PDSS2: variants seen among roughly 807,000 people sequenced by gnomAD.
PDSS2 encodes the protein decaprenyl diphosphate synthase subunit 2.
In PDSS2, 31 loss-of-function variants were observed where a neutral mutation model predicts 44.5. The observed-to-expected ratio is 0.70, with a 90% CI of 0.52 to 0.94. The LOEUF is 0.94. Ranked by LOEUF, PDSS2 falls within the 40% of genes least tolerant of loss-of-function variation. The pLI is 0.00. For synonymous variants in PDSS2, 157 were observed against 180.3 expected (o/e 0.87, Z 1.03); for missense variants, 452 against 482.2 (o/e 0.94, Z 0.59).
In PDSS2 at chr6:107,156,563, A is replaced by C. The variant is rs148225743; in HGVS notation, c.1042-1786T>G. ...CCCACATCCGGTTAGGCACAGGGGC[A>C]GTCTCAGGGTTGCTCATTCACAGCT... On this transcript the variant is annotated intron_variant, in intron 7 of 7. Transcript: ENST00000369037. 8.5e-4 allele frequency among the ~76,000 whole-genome samples: 130 copies of C among 152,314 alleles called. 2 individuals carry two copies. Among genetic ancestry groups the C allele is most frequent in the African/African-American group, 3.0e-3 (123 of 41,582 alleles).
intron 1 of PDSS2, among the ~76,000 whole-genome samples, chr6:107,347,019 C>T (rs573032345): frequency 1.3e-5 from 2 of 152,202 alleles, no homozygotes; most frequent in African/African-American, 4.8e-5. Context: ...CCCATTCCCA[C>T]GGAGGCTGGG....
chr6:107,272,670 T>C (rs1033886407), intron 3 of PDSS2, among the ~76,000 whole-genome samples: 7 of 152,174 alleles, frequency 4.6e-5, no homozygotes, highest in African/African-American at 7.2e-5. Context: ...AGAAAGCAGA[T>C]TGGCAATATG....
At chr6:107,373,792 G>A (rs2500562) in intron 1 of PDSS2, among the ~76,000 whole-genome samples, 61,785 of 151,644 alleles carry the variant, frequency 0.41, 14,046 homozygotes, top group Middle Eastern at 0.64. Flanking sequence ...CAAATCTCCT[G>A]CTTTTTCTCA....
chr6:107,262,756 A>C (rs570257556), intron 3 of PDSS2, among the ~76,000 whole-genome samples: 1 of 152,108 alleles, frequency 6.6e-6, no homozygotes, highest in South Asian at 2.1e-4. Flanking sequence ...TGGGTGACAG[A>C]ATGAGACTCT....
intron 2 of PDSS2, among the ~76,000 whole-genome samples, chr6:107,320,394 T>C (rs144091589): frequency 6.6e-6 from 1 of 152,210 alleles, no homozygotes; most frequent in South Asian, 2.1e-4. Context: ...TTCAAGTATT[T>C]CCTTGAAATG....
At chr6:107,319,567 A>C (rs1308418124) in intron 2 of PDSS2, among the ~76,000 whole-genome samples, 1 of 152,230 alleles carries the variant, frequency 6.6e-6, no homozygotes, top group Non-Finnish European at 1.5e-5. Flanking sequence ...GAAAATGCTA[A>C]GGAAAGACCT....
At chr6:107,352,177 T>C (rs1238957098) in intron 1 of PDSS2, among the ~76,000 whole-genome samples, 1 of 152,196 alleles carries the variant, frequency 6.6e-6, no homozygotes, top group African/African-American at 2.4e-5. Flanking sequence ...TATTATGAGT[T>C]TATCTTTAAA....
At chr6:107,168,546 T>C (rs1420188361) in intron 7 of PDSS2, among the ~76,000 whole-genome samples, 3 of 151,568 alleles carry the variant, frequency 2.0e-5, no homozygotes, top group African/African-American at 7.3e-5. Context: ...TTTTGCTCGT[T>C]ACTGGATGCA....
At chr6:107,326,674 A>G (rs537383301) in intron 2 of PDSS2, among the ~76,000 whole-genome samples, 1 of 151,932 alleles carries the variant, frequency 6.6e-6, no homozygotes. Flanking sequence ...CAACACGGTG[A>G]AACCCTGTCT....
intron 2 of PDSS2, among the ~76,000 whole-genome samples, chr6:107,294,457 G>A (rs1481829673): frequency 6.6e-6 from 1 of 151,680 alleles, no homozygotes; most frequent in African/African-American, 2.4e-5. Flanking sequence ...ATATTGTCCA[G>A]GCTGGTCTTA....
Position 107,459,096 on chromosome 6 carries a change from T to C in PDSS2, c.190A>G (p.Thr64Ala). The C allele has an allele frequency of 6.2e-7, 1 of 1,614,114 alleles. No individual in the cohort carries two copies. Among genetic ancestry groups the C allele is most frequent in the Non-Finnish European group, 8.5e-7 (1 of 1,180,030 alleles). The change falls in exon 1 of 8, where the codon ACG becomes GCG. Residue 64 changes from threonine to alanine, a missense_variant. Physicochemically the swap from Thr to Ala is moderately conservative, Grantham distance 58. Coordinates refer to ENST00000369037, the MANE Select transcript of PDSS2 (RefSeq NM_020381.4). This position sits in a 1 kb window ranked among gnomAD's most constrained non-coding sequence, Gnocchi z 4.3. ...SEAEKIVGYPTSFMSLRCLLS... is the reference protein window; with the variant it reads ...SEAEKIVGYPASFMSLRCLLS... The stretch of plus-strand genomic sequence containing the variant: ...AGGCAGCGAAGGCTCATGAAGGACG[T>C]GGGGTACCCCACGATCTTCTCCGCC...
rs539409935 is a variant in PDSS2, at chr6:107,217,858, T to A, written c.703-5576A>T. Among the ~76,000 whole-genome samples the A allele has an allele frequency of 6.6e-5, 10 of 152,346 alleles. No homozygotes were observed. The East Asian group carries it at 1.7e-3, about 26-fold the overall frequency. On this transcript the variant is annotated intron_variant, in intron 4 of 7. Coordinates refer to ENST00000369037, the MANE Select transcript of PDSS2 (RefSeq NM_020381.4). ...AGGAGGAAAAAGGACTTAGAATATG[T>A]AACATTGCTCCAAAACTGTAAGTCT...
rs144142953 is a variant in PDSS2 at position 107,369,872 on chromosome 6, G to T, written c.297-35540C>A. 5.3e-5 allele frequency among the ~76,000 whole-genome samples: 8 copies of T among 152,184 alleles called. No homozygotes were observed. In the East Asian group the frequency reaches 1.5e-3, roughly 29 times the overall value. On this transcript the variant is annotated intron_variant, in intron 1 of 7. Transcript: ENST00000369037. Reference sequence around the variant, plus strand: ...AAAAAATTAGCTGGATGTGGGTGGTGTTATGTCTGTAGTCCCAGTTACTTG... The same window carrying T: ...AAAAAATTAGCTGGATGTGGGTGGTTTTATGTCTGTAGTCCCAGTTACTTG...
chr6:107,256,030 G>A (rs930502611), intron 3 of PDSS2, among the ~76,000 whole-genome samples: 15 of 151,724 alleles, frequency 9.9e-5, no homozygotes, highest in Admixed American at 6.6e-5. Context: ...TCACTCTGTC[G>A]CCCAGGCTGG....
intron 1 of PDSS2, among the ~76,000 whole-genome samples, chr6:107,380,289 G>T (rs1779416989): frequency 6.6e-6 from 1 of 152,162 alleles, no homozygotes; most frequent in South Asian, 2.1e-4. Flanking sequence ...TGGAAGGGAA[G>T]CAATCTATAC....
intron 1 of PDSS2, among the ~76,000 whole-genome samples, chr6:107,353,414 TAA>T (rs796310084): frequency 1.3e-5 from 2 of 152,230 alleles, no homozygotes; most frequent in South Asian, 2.1e-4. Context: ...AGCCATGCTT[TAA>T]AAAGTCATAA....
At chr6:107,234,437 T>A (rs929818422) in intron 4 of PDSS2, among the ~76,000 whole-genome samples, 5 of 152,092 alleles carry the variant, frequency 3.3e-5, no homozygotes, top group African/African-American at 1.2e-4. Flanking sequence ...ACTCCTGACC[T>A]TAGGTGATCC....
At chr6:107,424,693 T>A (rs319098) in intron 1 of PDSS2, among the ~76,000 whole-genome samples, 109,987 of 152,150 alleles carry the variant, frequency 0.72, 40,210 homozygotes, top group Middle Eastern at 0.79. Context: ...ATAAAATGAA[T>A]TGTATACCTT....
chr6:107,239,634 CTTTTTT>C (rs1177940710), intron 4 of PDSS2, among the ~76,000 whole-genome samples: 1 of 76,926 alleles, frequency 1.3e-5, no homozygotes, highest in Non-Finnish European at 2.3e-5. Flanking sequence ...TGTACTCTAC[CTTTTTT>C]TTTTTTTTTT....
Sources: gnomAD v4.1 joint callset for allele counts (sites outside exome capture counted in the v4.1 genomes callset) on GRCh38, gnomAD v4.1.1 for gene constraint, Gnocchi (gnomAD v3.1) non-coding constraint, MANE v1.5 for transcripts, NCBI Gene and HGNC (gene_info 2026-07-23, HGNC 2026-07-21) for gene names.